Variants in SNTG1 observed in about 807,000 individuals in gnomAD.
The protein encoded by SNTG1 is gamma-1-syntrophin.
In SNTG1, 39 loss-of-function variants were observed where a neutral mutation model predicts 74.7. That is an observed-to-expected ratio of 0.52 (90% CI 0.40 to 0.68). The LOEUF (loss-of-function observed/expected upper bound fraction) is 0.68. SNTG1 is among the 30% of genes least tolerant of loss of function. SNTG1 has a pLI of 0.00. For missense variants in SNTG1, 685 were observed against 609.5 expected (o/e 1.12, Z -1.30); for synonymous variants, 254 against 217.1 (o/e 1.17, Z -1.49).
At chr8:50,173,196 G>C (rs1187759494) in intron 2 of SNTG1, among the ~76,000 whole-genome samples, 1 of 152,182 alleles carries the variant, frequency 6.6e-6, no homozygotes, top group Non-Finnish European at 1.5e-5. Flanking sequence ...CTTCAGGAAG[G>C]GAGTGTGAGT....
chr8:50,305,294 A>T (rs565050959), intron 2 of SNTG1, among the ~76,000 whole-genome samples: 110 of 152,158 alleles, frequency 7.2e-4, no homozygotes, highest in Non-Finnish European at 1.3e-3. Context: ...AGGACAGTCT[A>T]ATTTTCTTTC....
In SNTG1 at chr8:50,246,783, C is replaced by T. The variant is rs151128325; in HGVS notation, c.-28+74148C>T. Reference sequence around the variant, plus strand: ...CTCCAGAGAGTCAACAAATAAAATGCCTTGAGCACCCCAAAAGACCAATGT... The same window carrying T: ...CTCCAGAGAGTCAACAAATAAAATGTCTTGAGCACCCCAAAAGACCAATGT... On this transcript the variant is annotated intron_variant, in intron 2 of 18. Transcript: ENST00000642720. 4.5e-3 allele frequency among the ~76,000 whole-genome samples: 687 copies of T among 152,252 alleles called. 7 individuals are homozygous for T. The highest frequency in any genetic ancestry group is 0.016 in the African/African-American group (652 of 41,528).
Position 50,446,728 on chromosome 8 carries a change from A to T in SNTG1, c.220-2940A>T, listed in dbSNP as rs537309431. ...CAAAAACCATGTTTGGATTCAAACC[A>T]TTCAAATTTCAGGATAAATTTTACA... On this transcript the variant is annotated intron_variant, in intron 5 of 18. Transcript: ENST00000642720. Among the ~76,000 whole-genome samples, 34 of 152,316 alleles carry T rather than the reference A, an allele frequency of 2.2e-4. No homozygotes were observed. The South Asian group carries it at 6.6e-3, about 30-fold the overall frequency.
At chr8:50,586,729 T>G (rs569358942) in intron 12 of SNTG1, among the ~76,000 whole-genome samples, 1 of 151,932 alleles carries the variant, frequency 6.6e-6, no homozygotes, top group East Asian at 1.9e-4. Context: ...TGTGAAAGAT[T>G]TAAAAGTTTA....
intron 9 of SNTG1, among the ~76,000 whole-genome samples, chr8:50,516,522 C>T (rs2094135264): frequency 6.6e-6 from 1 of 151,892 alleles, no homozygotes; most frequent in Admixed American, 6.6e-5. Context: ...ATGTCCTATC[C>T]CAATGCAAGG....
chr8:50,285,833 G>A (rs2081366124), intron 2 of SNTG1, among the ~76,000 whole-genome samples: 1 of 149,678 alleles, frequency 6.7e-6, no homozygotes, highest in South Asian at 2.1e-4. Context: ...AAAAACAAAG[G>A]TGCTTATTAA....
chr8:50,510,441 G>C (rs1296005375), intron 9 of SNTG1, among the ~76,000 whole-genome samples: 1 of 152,170 alleles, frequency 6.6e-6, no homozygotes, highest in Non-Finnish European at 1.5e-5. Context: ...AAATGAGTTA[G>C]GGAGGATTCC....
intron 1 of SNTG1, among the ~76,000 whole-genome samples, chr8:49,916,725 GC>G: frequency 6.6e-6 from 1 of 151,926 alleles, no homozygotes; most frequent in African/African-American, 2.4e-5. Flanking sequence ...CTATGAAAAG[GC>G]CAAGTACAGT....
intron 13 of SNTG1, among the ~76,000 whole-genome samples, chr8:50,601,943 A>AT (rs1422077334): frequency 3.3e-5 from 5 of 151,834 alleles, no homozygotes; most frequent in Non-Finnish European, 7.4e-5. Context: ...TACTTCTGCT[A>AT]TTTTTTGTTT....
intron 9 of SNTG1, among the ~76,000 whole-genome samples, chr8:50,510,594 C>A (rs910465267): frequency 1.8e-4 from 28 of 152,086 alleles, no homozygotes; most frequent in African/African-American, 6.3e-4. Flanking sequence ...AATTTCAGAG[C>A]CTGTTTTTGG....
At chr8:49,953,083 A>C (rs1809865250) in intron 1 of SNTG1, among the ~76,000 whole-genome samples, 1 of 152,234 alleles carries the variant, frequency 6.6e-6, no homozygotes, top group Non-Finnish European at 1.5e-5. Flanking sequence ...ATTAGCTTAT[A>C]GGTGAGATTT....
chr8:50,516,635 C>T (rs1439049054), intron 9 of SNTG1, among the ~76,000 whole-genome samples: 4 of 152,094 alleles, frequency 2.6e-5, no homozygotes, highest in Non-Finnish European at 5.9e-5. Flanking sequence ...AGCATGAGAA[C>T]TTTGTGAAGC....
intron 12 of SNTG1, among the ~76,000 whole-genome samples, chr8:50,570,073 C>G (rs1158002638): frequency 1.3e-5 from 2 of 151,798 alleles, no homozygotes; most frequent in African/African-American, 4.8e-5. Flanking sequence ...TAGCTTGGAA[C>G]AGTACTCACC....
At chr8:50,496,380 G>C (rs1324762800) in intron 8 of SNTG1, among the ~76,000 whole-genome samples, 1 of 152,126 alleles carries the variant, frequency 6.6e-6, no homozygotes, top group African/African-American at 2.4e-5. Flanking sequence ...GTTTCCTGAT[G>C]TGTGCTTAAA....
intron 2 of SNTG1, among the ~76,000 whole-genome samples, chr8:50,271,166 A>G (rs143447204): frequency 1.7e-4 from 26 of 152,332 alleles, no homozygotes; most frequent in African/African-American, 5.5e-4. Flanking sequence ...GAAGCATGTG[A>G]GAAATGGAAA....
At chr8:50,175,884 A>T (rs982117459) in intron 2 of SNTG1, among the ~76,000 whole-genome samples, 1 of 152,004 alleles carries the variant, frequency 6.6e-6, no homozygotes, top group African/African-American at 2.4e-5. Context: ...TGTTTAATTC[A>T]TGCTCATATT....
intron 17 of SNTG1, among the ~76,000 whole-genome samples, chr8:50,750,608 A>G (rs1044818606): frequency 6.6e-6 from 1 of 152,004 alleles, no homozygotes; most frequent in Non-Finnish European, 1.5e-5. Flanking sequence ...CACCATCCTG[A>G]TGAGCCAGCA....
intron 2 of SNTG1, among the ~76,000 whole-genome samples, chr8:50,379,788 C>T (rs2092451162): frequency 6.6e-6 from 1 of 152,258 alleles, no homozygotes; most frequent in Admixed American, 6.5e-5. Flanking sequence ...TCGGAAAATG[C>T]CTGGCGGCCA....
chr8:49,943,721 A>G (rs1808904821), intron 1 of SNTG1, among the ~76,000 whole-genome samples: 1 of 152,244 alleles, frequency 6.6e-6, no homozygotes, highest in Non-Finnish European at 1.5e-5. Flanking sequence ...TACTTCTAGT[A>G]CTTTCAGATT....
Sources: allele counts gnomAD v4.1 joint callset (sites outside exome capture counted in the v4.1 genomes callset), GRCh38; gene constraint gnomAD v4.1.1; transcripts MANE v1.5; gene names NCBI Gene and HGNC (gene_info 2026-07-23, HGNC 2026-07-21).